Variants in AFG2A observed in about 807,000 individuals in gnomAD.
AFG2A encodes the protein AAA ATPase AFG2A.
chr4:122,951,157 A>G, the AFG2A span, among the ~76,000 whole-genome samples: 1 of 152,128 alleles, frequency 6.6e-6, no homozygotes, highest in African/African-American at 2.4e-5. Flanking sequence ...ATGTCCTTCT[A>G]CATGTCAGGG....
chr4:123,043,427 T>A, the AFG2A span, among the ~76,000 whole-genome samples: 1 of 152,124 alleles, frequency 6.6e-6, no homozygotes. Context: ...TTCTTCCACT[T>A]TTTTTTCCTG....
chr4:123,081,771 A>G, the AFG2A span, among the ~76,000 whole-genome samples: 1 of 152,204 alleles, frequency 6.6e-6, no homozygotes, highest in Non-Finnish European at 1.5e-5. Context: ...GCAGTGAATA[A>G]AAGTTTCTGT....
At chr4:123,102,601 A>G in the AFG2A span, among the ~76,000 whole-genome samples, 1 of 152,068 alleles carries the variant, frequency 6.6e-6, no homozygotes. Flanking sequence ...TATAAATTTG[A>G]AAAAGCTTCT....
the AFG2A span, among the ~76,000 whole-genome samples, chr4:123,221,821 G>A: frequency 6.6e-6 from 1 of 152,076 alleles, no homozygotes; most frequent in Non-Finnish European, 1.5e-5. Context: ...CAGCTACTCA[G>A]GAGGCTGAGG....
the AFG2A span, among the ~76,000 whole-genome samples, chr4:123,024,315 C>T: frequency 7.2e-6 from 1 of 138,654 alleles, no homozygotes; most frequent in Non-Finnish European, 1.6e-5. Flanking sequence ...AAAAAAAAAT[C>T]ACCAAAGAAA....
chr4:123,216,970 A>G, the AFG2A span, among the ~76,000 whole-genome samples: 1 of 152,162 alleles, frequency 6.6e-6, no homozygotes, highest in East Asian at 1.9e-4. Flanking sequence ...TGTCCAGACA[A>G]TTTTTACTTT....
chr4:123,224,695 G>A, the AFG2A span, among the ~76,000 whole-genome samples: 21 of 152,124 alleles, frequency 1.4e-4, no homozygotes, highest in African/African-American at 5.1e-4. Context: ...CTTTATAGCA[G>A]CATGATTTAT....
At chr4:122,954,304 C>T in the AFG2A span, among the ~76,000 whole-genome samples, 1 of 152,192 alleles carries the variant, frequency 6.6e-6, no homozygotes, top group Non-Finnish European at 1.5e-5. Flanking sequence ...AATCAACTGT[C>T]TCTCTTCCTG....
chr4:123,181,575 C>T, the AFG2A span, among the ~76,000 whole-genome samples: 1 of 152,056 alleles, frequency 6.6e-6, no homozygotes, highest in Non-Finnish European at 1.5e-5. Flanking sequence ...TGCACTTCAT[C>T]CTGGGTGGCA....
At chr4:122,953,301 C>T in the AFG2A span, among the ~76,000 whole-genome samples, 8,127 of 152,248 alleles carry the variant, frequency 0.053, 519 homozygotes, top group African/African-American at 0.16. Flanking sequence ...GTTTTGGTGG[C>T]AGTCTCTCAA....
the AFG2A span, among the ~76,000 whole-genome samples, chr4:122,948,004 T>C: frequency 4.6e-5 from 7 of 152,192 alleles, no homozygotes; most frequent in Non-Finnish European, 1.0e-4. Context: ...ATTGTAAGAA[T>C]ACAGCATATA....
the AFG2A span, among the ~76,000 whole-genome samples, chr4:123,081,122 C>G: frequency 2.0e-5 from 3 of 152,124 alleles, no homozygotes. Context: ...CACCCAAAGT[C>G]CATAATTAAC....
the AFG2A span, among the ~76,000 whole-genome samples, chr4:122,939,040 T>TATTACC: frequency 6.7e-6 from 1 of 149,554 alleles, no homozygotes; most frequent in South Asian, 2.1e-4. Context: ...AACTTATTCA[T>TATTACC]ATTACCAGAT....
chr4:123,099,860 T>C, the AFG2A span, among the ~76,000 whole-genome samples: 5 of 152,018 alleles, frequency 3.3e-5, no homozygotes, highest in South Asian at 6.2e-4. Context: ...TTTGTAGTTA[T>C]GAGTTGTATG....
the AFG2A span, among the ~76,000 whole-genome samples, chr4:123,118,168 T>A: frequency 0.65 from 97,350 of 150,212 alleles, 31,745 homozygotes; most frequent in Non-Finnish European, 0.68. Context: ...ACATGCTCAT[T>A]CCTTGTTCCT....
the AFG2A span, among the ~76,000 whole-genome samples, chr4:123,293,759 G>C: frequency 1.3e-5 from 2 of 152,350 alleles, no homozygotes; most frequent in South Asian, 4.1e-4. Flanking sequence ...GCTTACAAGG[G>C]CAGAGACACT....
At chr4:122,983,566 A>C in the AFG2A span, among the ~76,000 whole-genome samples, 1 of 151,412 alleles carries the variant, frequency 6.6e-6, no homozygotes, top group Non-Finnish European at 1.5e-5. Context: ...TGACCCATTG[A>C]TTGTTCAGGA....
chr4:123,148,748 T>C, the AFG2A span, among the ~76,000 whole-genome samples: 1 of 151,490 alleles, frequency 6.6e-6, no homozygotes, highest in Non-Finnish European at 1.5e-5. Context: ...TTGAAGTCAG[T>C]ACAGAACACA....
At chr4:123,227,296 T>C in the AFG2A span, among the ~76,000 whole-genome samples, 3 of 152,212 alleles carry the variant, frequency 2.0e-5, no homozygotes, top group Admixed American at 2.0e-4. Flanking sequence ...CTTTTAATTG[T>C]GATGTCAGGG....
Sources: gnomAD v4.1 joint callset for allele counts (sites outside exome capture counted in the v4.1 genomes callset) on GRCh38, gnomAD v4.1.1 for gene constraint, MANE v1.5 for transcripts, NCBI Gene and HGNC (gene_info 2026-07-23, HGNC 2026-07-21) for gene names.